SCN4A: variants seen among roughly 807,000 people sequenced by gnomAD.
SCN4A encodes the protein sodium channel protein type 4 subunit alpha.
In SCN4A, 83 loss-of-function variants were observed where a neutral mutation model predicts 162.0. The ratio of observed to expected loss-of-function variants is 0.51; its 90% CI spans 0.43 to 0.61. SCN4A has a LOEUF of 0.61. Among genes scored for constraint, SCN4A ranks in the 20% least tolerant of loss-of-function variants. SCN4A has a pLI of 0.00. For missense variants in SCN4A, 2,196 were observed against 2,462.5 expected (o/e 0.89, Z 2.29); for synonymous variants, 944 against 985.1 (o/e 0.96, Z 0.78).
intron 13 of SCN4A, among the ~76,000 whole-genome samples, chr17:63,955,700 CT>C (rs1312401678): frequency 6.6e-6 from 1 of 152,206 alleles, no homozygotes; most frequent in Non-Finnish European, 1.5e-5. Context: ...ATCCCCAATC[CT>C]GCCCCAAAGT....
In SCN4A at chr17:63,945,702, T is replaced by G; in HGVS notation, c.3442-64A>C. 66 of 1,561,776 alleles carry G rather than the reference T, an allele frequency of 4.2e-5. No homozygotes were observed. Among genetic ancestry groups the G allele is most frequent in the Non-Finnish European group, 5.4e-5 (62 of 1,138,020 alleles). ...CCTCTGAGAGAGGGCTCCACATCTCTACGCCACCCAGGGGACCAGGCAGAG... is the reference window on the plus strand; with the variant it reads ...CCTCTGAGAGAGGGCTCCACATCTCGACGCCACCCAGGGGACCAGGCAGAG... On this transcript the variant is annotated intron_variant, in intron 18 of 23. Transcript: ENST00000435607. The surrounding 1 kb of genome is among the most constrained non-coding windows in gnomAD (Gnocchi z 4.4).
intron 6 of SCN4A, among the ~76,000 whole-genome samples, chr17:63,967,687 C>CT (rs1028353943): frequency 4.0e-5 from 6 of 151,856 alleles, no homozygotes; most frequent in African/African-American, 1.4e-4. Flanking sequence ...AATCCCAGCA[C>CT]TTTAGGAGGC....
Position 63,944,851 on chromosome 17 carries a change from T to C in SCN4A, c.3775-41A>G. The C allele has an allele frequency of 6.2e-7, 1 of 1,608,302 alleles. No individual in the cohort carries two copies. On this transcript the variant is annotated intron_variant, in intron 20 of 23. Coordinates refer to ENST00000435607, the MANE Select transcript of SCN4A (RefSeq NM_000334.4). The surrounding 1 kb of genome is among the most constrained non-coding windows in gnomAD (Gnocchi z 4.3). ...GGTGGGACGGCGTGGGTTTGCACGCTGGCTTCTCCCTGCCCCCCACAGCCC... is the reference window on the plus strand; with the variant it reads ...GGTGGGACGGCGTGGGTTTGCACGCCGGCTTCTCCCTGCCCCCCACAGCCC...
At chr17:63,947,002 T>TCCCCCCACCCCC in intron 18 of SCN4A, 43 bp downstream of exon 18, 3 of 1,449,434 alleles carry the variant, frequency 2.1e-6, no homozygotes, top group East Asian at 2.4e-5. Context: ...AGGTGGCCGG[T>TCCCCCCACCCCC]CCCCCATCCC....
chr17:63,955,452 C>T (rs1423637830), intron 13 of SCN4A, among the ~76,000 whole-genome samples: 1 of 152,230 alleles, frequency 6.6e-6, no homozygotes, highest in Non-Finnish European at 1.5e-5. Flanking sequence ...TAACATAATC[C>T]TTGCAACCAC....
At chr17:63,958,409 C>A (rs539218199) in intron 12 of SCN4A, among the ~76,000 whole-genome samples, 1 of 152,202 alleles carries the variant, frequency 6.6e-6, no homozygotes, top group South Asian at 2.1e-4. Context: ...TTGGGATTTG[C>A]TTTCACAATA....
intron 16 of SCN4A, among the ~76,000 whole-genome samples, chr17:63,948,292 A>T (rs1908793728): frequency 6.6e-6 from 1 of 151,932 alleles, no homozygotes; most frequent in Non-Finnish European, 1.5e-5. Context: ...ACAACAGCAA[A>T]TTGCCATCAT....
Position 63,972,847 on chromosome 17 carries a change from C to A in SCN4A, c.-6G>T. 1 of 1,602,146 alleles carries A rather than the reference C, an allele frequency of 6.2e-7. No individual in the cohort carries two copies. On this transcript the variant is annotated 5_prime_UTR_variant, in exon 1 of 24. The change abolishes an upstream ATG in the 5' untranslated region. Transcript: ENST00000435607. The surrounding 1 kb of genome is among the most constrained non-coding windows in gnomAD (Gnocchi z 4.3). ...CACAGAGATGGTCTGGCCATCCTCG[C>A]ATCCTGGGCTCAGAGACCAGAAGGG...
At chr17:63,948,788 G>T (rs1908813057) in intron 15 of SCN4A, 23 bp from the exon 16 acceptor site, 3 of 1,578,456 alleles carry the variant, frequency 1.9e-6, no homozygotes, top group Non-Finnish European at 2.6e-6. Flanking sequence ...GGGGGGACAG[G>T]GACAGGCACC....
intron 10 of SCN4A, among the ~76,000 whole-genome samples, chr17:63,962,184 T>C (rs912237327): frequency 7.2e-5 from 11 of 152,188 alleles, no homozygotes; most frequent in African/African-American, 2.7e-4. Context: ...CTAATCTGTC[T>C]GGGTCCGAGT....
chr17:63,949,385 G>A lies in SCN4A; in HGVS notation c.2989+8C>T, dbSNP rs376490303. ...GAGACACCCAGATGAGGTGAGGGGT[G>A]CCCTCACCCTCAGTGAAGCACTCCT... On this transcript the variant is annotated splice_region_variant and intron_variant, in intron 15 of 23. Transcript: ENST00000435607. 2.4e-5 allele frequency: 38 copies of A among 1,565,632 alleles called. 1 individual carries two copies. The South Asian group carries it at 4.2e-4, about 17-fold the overall frequency.
At chr17:63,954,968 A>G (rs748232918) in intron 13 of SCN4A, among the ~76,000 whole-genome samples, 21 of 152,200 alleles carry the variant, frequency 1.4e-4, no homozygotes, top group Non-Finnish European at 2.6e-4. Context: ...TCTATAAAAC[A>G]TGAACCAGCG....
Position 63,945,730 on chromosome 17 carries a change from G to A in SCN4A, c.3442-92C>T. The A allele has an allele frequency of 6.9e-7, 1 of 1,445,086 alleles. No individual in the cohort carries two copies. Among genetic ancestry groups the A allele is most frequent in the South Asian group, 1.2e-5 (1 of 84,908 alleles). 89.5% of individuals were successfully genotyped at this position (1,445,086 alleles called of 1,614,324 possible). A position where few individuals can be genotyped will look rare whatever the true frequency, so the allele number is the denominator to read the frequency against. On this transcript the variant is annotated intron_variant, in intron 18 of 23. Coordinates refer to ENST00000435607, the MANE Select transcript of SCN4A (RefSeq NM_000334.4). This position sits in a 1 kb window ranked among gnomAD's most constrained non-coding sequence, Gnocchi z 4.4. The stretch of plus-strand genomic sequence containing the variant: ...GCCACCCAGGGGACCAGGCAGAGCT[G>A]GGCATTGTCAATTAGGGAGGGCTTC...
rs2144786758 is a variant in SCN4A at position 63,951,572 on chromosome 17, C to T, written c.2705G>A (p.Gly902Asp). ...HILNHMGLAD[G>D]PPSSLELDHL... is the part of the protein sequence containing the mutation. ...GTCCAGCTCGAGGCTGGATGGGGGG[C>T]CGTCAGCCAGGCCCATGTGGTTCAG... Residue 902 changes from glycine (G) to aspartate (D), a missense_variant, in exon 14 of 24, where the codon GGC becomes GAC. Gly to Asp is a moderately conservative substitution (Grantham distance 94). Coordinates refer to ENST00000435607, the MANE Select transcript of SCN4A (RefSeq NM_000334.4). This position sits in a 1 kb window ranked among gnomAD's most constrained non-coding sequence, Gnocchi z 4.5. The T allele has an allele frequency of 6.2e-7, 1 of 1,613,954 alleles. No individual in the cohort carries two copies. Among genetic ancestry groups the T allele is most frequent in the East Asian group, 2.2e-5 (1 of 44,884 alleles).
chr17:63,957,258 C>T lies in SCN4A; in HGVS notation c.2280G>A (p.Gly760=). ...AGTCCCACATGGTCTCGATCCACTC[C>T]CCGCACAGGATGCGGAAGACGATGA... ...SFLIVFRILC[G]EWIETMWDCM... is the part of the protein sequence containing the mutation. The change falls in exon 13 of 24, where the codon GGG becomes GGA. Residue 760 remains glycine (G), a synonymous_variant. Transcript: ENST00000435607. The T allele has an allele frequency of 1.9e-6, 3 of 1,613,912 alleles. No homozygotes were observed. The highest frequency in any genetic ancestry group is 2.5e-6 in the Non-Finnish European group (3 of 1,179,760).
intron 14 of SCN4A, 37 bp from the exon 15 acceptor site, chr17:63,949,565 C>T (rs1908842683): frequency 6.4e-7 from 1 of 1,562,074 alleles, no homozygotes; most frequent in African/African-American, 1.4e-5. Context: ...ATCTGGGTCC[C>T]TGAGAGACCC....
At chr17:63,952,120 C>G (rs1908933098) in intron 13 of SCN4A, among the ~76,000 whole-genome samples, 1 of 152,092 alleles carries the variant, frequency 6.6e-6, no homozygotes, top group Non-Finnish European at 1.5e-5. Context: ...TGAGAGGACT[C>G]TGCTACCCAG....
At chr17:63,956,228 A>G (rs546738640) in intron 13 of SCN4A, among the ~76,000 whole-genome samples, 2 of 152,210 alleles carry the variant, frequency 1.3e-5, no homozygotes, top group East Asian at 3.9e-4. Flanking sequence ...CATTTTCCCA[A>G]TATCTGCACC....
In SCN4A at chr17:63,951,465, C is replaced by T. The variant is rs374673348; in HGVS notation, c.2812G>A (p.Glu938Lys). Residue 938 changes from glutamate (E) to lysine (K), a missense_variant, in exon 14 of 24, where the codon GAG becomes AAG. Transcript: ENST00000435607. This position sits in a 1 kb window ranked among gnomAD's most constrained non-coding sequence, Gnocchi z 4.5. ...TCTGAGAAAGTGTCGGTTTCCTCCT[C>T]GGTGGGCATCTCCAGGTCGGACTCC... is the stretch of plus-strand genomic sequence containing the variant. ...SEESDLEMPT[E>K]EETDTFSEPE... 20 of 1,607,776 alleles carry T rather than the reference C, an allele frequency of 1.2e-5. No individual in the cohort carries two copies. Among genetic ancestry groups the T allele is most frequent in the African/African-American group, 2.7e-5 (2 of 74,762 alleles).
Sources: gnomAD v4.1 joint callset for allele counts (sites outside exome capture counted in the v4.1 genomes callset) on GRCh38, gnomAD v4.1.1 for gene constraint, Gnocchi (gnomAD v3.1) non-coding constraint, MANE v1.5 for transcripts, NCBI Gene and HGNC (gene_info 2026-07-23, HGNC 2026-07-21) for gene names.